The following PDLIM1 variants were observed in gnomAD, a reference collection of about 807,000 sequenced individuals.
The protein encoded by PDLIM1 is PDZ and LIM domain protein 1.
Under a neutral mutation model 35.2 loss-of-function variants are expected in PDLIM1, and 25 were observed. That is an observed-to-expected ratio of 0.71 (90% CI 0.52 to 0.99). The LOEUF is 0.99. Ranked by LOEUF, PDLIM1 falls within the 50% of genes least tolerant of loss-of-function variation. The pLI is 0.00. For missense variants in PDLIM1, 363 were observed against 415.3 expected, an observed-to-expected ratio of 0.87 and a Z score of 1.09; for synonymous variants, 152 against 154.0, an observed-to-expected ratio of 0.99 and a Z score of 0.10.
At chr10:95,246,775 G>C (rs1056076000) in intron 5 of PDLIM1, among the ~76,000 whole-genome samples, 1 of 152,148 alleles carries the variant, frequency 6.6e-6, no homozygotes, top group African/African-American at 2.4e-5. Context: ...CCCAAGCAAA[G>C]CCAGCCCCTG....
At chr10:95,263,588 AC>A (rs2035385004) in intron 4 of PDLIM1, among the ~76,000 whole-genome samples, 1 of 152,216 alleles carries the variant, frequency 6.6e-6, no homozygotes, top group Admixed American at 6.5e-5. Flanking sequence ...AAATCAAAAC[AC>A]AAATAAAAAC....
chr10:95,256,512 T>C (rs948620963), intron 4 of PDLIM1, among the ~76,000 whole-genome samples: 2 of 152,036 alleles, frequency 1.3e-5, no homozygotes, highest in African/African-American at 4.8e-5. Flanking sequence ...ACCAATGAAA[T>C]AGAATAGAGA....
intron 5 of PDLIM1, among the ~76,000 whole-genome samples, chr10:95,241,769 GCAAGCACCAGAGTGCCTCT>G (rs1277717917): frequency 9.9e-5 from 15 of 152,194 alleles, no homozygotes; most frequent in Non-Finnish European, 2.1e-4. Context: ...CATGAAAACA[GCAAGCACCAGAGTGCCTCT>G]CCCTTCCCTG....
rs773548645 is a variant in PDLIM1 at position 95,263,958 on chromosome 10, G to T, written c.439C>A (p.Pro147Thr). The change falls in exon 4 of 7, where the codon CCA becomes ACA. Residue 147 changes from proline to threonine, a missense_variant. Coordinates refer to ENST00000329399, the MANE Select transcript of PDLIM1 (RefSeq NM_020992.4). ...ARVITNQYNN[P>T]AGLYSSENIS... Reference sequence around the variant, plus strand: ...TTTTCAGAAGAGTAGAGGCCAGCTGGGTTGTTGTACTGGTTTGTGATGACC... The same window carrying T: ...TTTTCAGAAGAGTAGAGGCCAGCTGTGTTGTTGTACTGGTTTGTGATGACC... The T allele has an allele frequency of 3.1e-6, 5 of 1,613,794 alleles. No individual in the cohort carries two copies. The highest frequency in any genetic ancestry group is 4.2e-6 in the Non-Finnish European group (5 of 1,179,928).
chr10:95,280,601 A>C (rs1461955317), intron 1 of PDLIM1, among the ~76,000 whole-genome samples: 2 of 152,314 alleles, frequency 1.3e-5, no homozygotes, highest in South Asian at 2.1e-4. Context: ...AATAAACAGT[A>C]CTGTTGCCTT....
intron 5 of PDLIM1, among the ~76,000 whole-genome samples, chr10:95,246,801 A>T (rs1018986464): frequency 1.2e-4 from 19 of 152,174 alleles, no homozygotes; most frequent in African/African-American, 3.9e-4. Context: ...ACCGAGCACT[A>T]ATTCATTCTC....
At chr10:95,245,166 G>A (rs899090356) in intron 5 of PDLIM1, among the ~76,000 whole-genome samples, 48 of 152,100 alleles carry the variant, frequency 3.2e-4, no homozygotes, top group Admixed American at 2.6e-4. Context: ...CCAGACTCTC[G>A]TTTAACTAGG....
At chr10:95,278,884 C>T (rs2133439151) in intron 1 of PDLIM1, among the ~76,000 whole-genome samples, 1 of 152,298 alleles carries the variant, frequency 6.6e-6, no homozygotes, top group Admixed American at 6.5e-5. Flanking sequence ...TCTAGGTCAG[C>T]CATTCTGTGG....
Position 95,244,318 on chromosome 10 carries a change from C to T in PDLIM1, c.685+2897G>A, listed in dbSNP as rs866049651. 1.1e-4 allele frequency among the ~76,000 whole-genome samples: 17 copies of T among 152,266 alleles called. No individual in the cohort carries two copies. The Middle Eastern group carries it at 0.02, about 183-fold the overall frequency. ...TAGCCAAGCTTCCTTCAGGGAGGGG[C>T]CTTACTCACTGTGCACCTGGCAGTT... On this transcript the variant is annotated intron_variant, in intron 5 of 6. Transcript: ENST00000329399.
chr10:95,264,461 C>T (rs1288868132), intron 3 of PDLIM1, among the ~76,000 whole-genome samples: 1 of 152,168 alleles, frequency 6.6e-6, no homozygotes, highest in Non-Finnish European at 1.5e-5. Flanking sequence ...TATGCAGTCA[C>T]TTTGGTCAGT....
At chr10:95,289,206 G>A (rs2133446188) in intron 1 of PDLIM1, among the ~76,000 whole-genome samples, 1 of 152,318 alleles carries the variant, frequency 6.6e-6, no homozygotes, top group Admixed American at 6.5e-5. Context: ...CAAAGAACAG[G>A]GACAAATGGA....
chr10:95,252,777 G>A (rs973040756), intron 4 of PDLIM1, among the ~76,000 whole-genome samples: 2 of 152,010 alleles, frequency 1.3e-5, no homozygotes, highest in Admixed American at 1.3e-4. Context: ...CAGCATGAAG[G>A]AGACAAAGGA....
chr10:95,278,826 C>T (rs45526538), intron 1 of PDLIM1, among the ~76,000 whole-genome samples: 1,643 of 152,234 alleles, frequency 0.011, 38 homozygotes, highest in African/African-American at 0.038. Flanking sequence ...ATACTCTAAC[C>T]GACGCTCAAA....
intron 1 of PDLIM1, among the ~76,000 whole-genome samples, chr10:95,285,790 T>G (rs1442359139): frequency 2.0e-5 from 3 of 152,202 alleles, no homozygotes. Context: ...ATGGGGATCT[T>G]AATCCTACCT....
intron 5 of PDLIM1, among the ~76,000 whole-genome samples, chr10:95,241,335 T>G (rs1303110859): frequency 2.0e-5 from 3 of 152,250 alleles, no homozygotes; most frequent in African/African-American, 4.8e-5. Flanking sequence ...CCAGAGCTTC[T>G]CCAGTAGCCA....
intron 1 of PDLIM1, chr10:95,273,466 C>T (rs1242091246): frequency 2.6e-5 from 4 of 152,264 alleles, no homozygotes; most frequent in Non-Finnish European, 5.9e-5. Context: ...GTGCATTCCC[C>T]ATCAGCACCC....
chr10:95,285,377 C>T (rs1033222773), intron 1 of PDLIM1, among the ~76,000 whole-genome samples: 2 of 152,164 alleles, frequency 1.3e-5, no homozygotes, highest in Non-Finnish European at 2.9e-5. Flanking sequence ...GAAGCCTGCA[C>T]CACCCTTAGC....
intron 1 of PDLIM1, among the ~76,000 whole-genome samples, chr10:95,289,287 C>T (rs1166024519): frequency 2.0e-5 from 3 of 152,176 alleles, no homozygotes; most frequent in Non-Finnish European, 4.4e-5. Context: ...AATAAGCCTG[C>T]AAGGATTTAC....
intron 1 of PDLIM1, among the ~76,000 whole-genome samples, chr10:95,275,511 G>A (rs1589518051): frequency 6.6e-6 from 1 of 152,178 alleles, no homozygotes; most frequent in African/African-American, 2.4e-5. Context: ...AAAACACCTA[G>A]TGTTGTTAAA....
Sources: allele counts gnomAD v4.1 joint callset (sites outside exome capture counted in the v4.1 genomes callset), GRCh38; gene constraint gnomAD v4.1.1; transcripts MANE v1.5; gene names NCBI Gene and HGNC (gene_info 2026-07-23, HGNC 2026-07-21).